The following ZNF711 variants were observed in gnomAD, a reference collection of about 807,000 sequenced individuals.
The protein encoded by ZNF711 is ZFX family zinc finger ZNF711.
ZNF711 carries 3 observed loss-of-function variants against 43.5 expected under a neutral mutation model. That is an observed-to-expected ratio of 0.07 (90% CI 0.03 to 0.18). ZNF711 has a LOEUF of 0.18. Ranked by LOEUF, ZNF711 falls within the 10% of genes least tolerant of loss-of-function variation. ZNF711 has a pLI of 1.00. For synonymous variants in ZNF711, 209 were observed against 207.7 expected (o/e 1.01, Z -0.06); for missense variants, 412 against 604.0 (o/e 0.68, Z 3.33).
At chrX:85,256,016 C>G (rs960761992) in intron 5 of ZNF711, among the ~76,000 whole-genome samples, 1 of 111,037 alleles carries the variant, frequency 9.0e-6, no homozygotes, top group African/African-American at 3.3e-5. Flanking sequence ...TAAAATAATG[C>G]AGTTTATTAG....
chrX:85,269,853 GAGAGAA>G (rs1931424960), intron 9 of ZNF711, 144 bp from the exon 10 acceptor site: 2 of 527,478 alleles, frequency 3.8e-6, no homozygotes, highest in African/African-American at 4.7e-5. Flanking sequence ...AAGAGTGAGA[GAGAGAA>G]AGAGAATCAT....
Position 85,272,560 on chromosome X carries a change from A to G in ZNF711, c.*732A>G, listed in dbSNP as rs922720612. 8.9e-6 allele frequency: 1 copy of G among 112,023 alleles called. No individual in the cohort carries two copies. Among genetic ancestry groups the G allele is most frequent in the African/African-American group, 3.2e-5 (1 of 30,827 alleles). 9.2% of individuals were successfully genotyped at this position (112,023 alleles called of 1,213,427 possible). On this transcript the variant is annotated 3_prime_UTR_variant, in exon 11 of 11. Coordinates refer to ENST00000674551, the MANE Select transcript of ZNF711 (RefSeq NM_001330574.2). ...ATATGACAAAAGTATATTTGAGTCA[A>G]ATGTGGCTTTCTAAAATGGATGCAA...
intron 9 of ZNF711, among the ~76,000 whole-genome samples, chrX:85,269,423 G>A (rs1457133422): frequency 1.1e-4 from 11 of 98,618 alleles, no homozygotes; most frequent in African/African-American, 4.3e-4. Flanking sequence ...CTCTGTTACC[G>A]AGACTGGTGT....
chrX:85,269,764 T>C (rs1603004017), intron 9 of ZNF711, among the ~76,000 whole-genome samples: 1 of 111,989 alleles, frequency 8.9e-6, no homozygotes, highest in Non-Finnish European at 1.9e-5. Flanking sequence ...CAAATTGAGA[T>C]ATTTTAAAGT....
At chrX:85,248,044 A>G (rs1278626128) in intron 4 of ZNF711, among the ~76,000 whole-genome samples, 3 of 110,872 alleles carry the variant, frequency 2.7e-5, no homozygotes, top group Non-Finnish European at 5.7e-5. Flanking sequence ...AGAAGTGCTT[A>G]CATCAACTAA....
At chrX:85,263,993 A>G (rs1008581356) in intron 5 of ZNF711, among the ~76,000 whole-genome samples, 1 of 110,362 alleles carries the variant, frequency 9.1e-6, no homozygotes, top group Admixed American at 9.7e-5. Context: ...TAGTGTACCT[A>G]TCACCTGAAT....
chrX:85,247,508 A>C, intron 3 of ZNF711, 39 bp from the exon 4 acceptor site: 1 of 982,780 alleles, frequency 1.0e-6, no homozygotes, highest in Non-Finnish European at 1.4e-6. Flanking sequence ...ACTTTGGACT[A>C]AATATATTAA....
chrX:85,271,431 G>A lies in ZNF711; in HGVS notation c.2027G>A (p.Arg676His), dbSNP rs201449359. 2 of 1,209,232 alleles carry A rather than the reference G, an allele frequency of 1.7e-6. No individual in the cohort carries two copies. The highest frequency in any genetic ancestry group is 3.0e-5 in the East Asian group (1 of 33,661). ...KCEVCDKGFH[R>H]PSELKKHSDI... Reference sequence around the variant, plus strand: ...GAGGTCTGTGATAAAGGTTTTCATCGTCCTTCTGAGCTCAAAAAGCATAGT... The same window carrying A: ...GAGGTCTGTGATAAAGGTTTTCATCATCCTTCTGAGCTCAAAAAGCATAGT... The change falls in exon 11 of 11, where the codon CGT becomes CAT. Residue 676 changes from arginine (R) to histidine (H), a missense_variant. By Grantham distance (29) the Arg-to-His change is conservative. Transcript: ENST00000674551.
chrX:85,271,570 G>A lies in ZNF711; in HGVS notation c.2166G>A (p.Leu722=). The change falls in exon 11 of 11, where the codon TTG becomes TTA. Residue 722 remains leucine, a synonymous_variant. Coordinates refer to ENST00000674551, the MANE Select transcript of ZNF711 (RefSeq NM_001330574.2). ...CAGTTCATACTAAAGATCAGCCATT[G>A]AAATGTAAAAGGTGCAAGAGAGGAT... The part of the protein sequence containing the change: ...ILSVHTKDQP[L]KCKRCKRGFR... The A allele has an allele frequency of 1.7e-6, 2 of 1,211,337 alleles. No individual in the cohort carries two copies. The highest frequency in any genetic ancestry group is 2.2e-6 in the Non-Finnish European group (2 of 895,246).
Position 85,267,312 on chromosome X carries a change from A to G in ZNF711, c.951A>G (p.Glu317=). ...CAEIADEVYM[E]VIVGEEEGTS... The stretch of plus-strand genomic sequence containing the variant: ...AAATAGCAGATGAAGTTTACATGGA[A>G]GTCATTGTAGGGGAAGAGGAAGGAA... The change falls in exon 8 of 11, where the codon GAA becomes GAG. Residue 317 remains glutamate, a synonymous_variant. Coordinates refer to ENST00000674551, the MANE Select transcript of ZNF711 (RefSeq NM_001330574.2). 8.8e-7 allele frequency: 1 copy of G among 1,141,299 alleles called. No individual in the cohort carries two copies. The highest frequency in any genetic ancestry group is 1.2e-6 in the Non-Finnish European group (1 of 865,635). The allele number at this position is 1,141,299 out of a possible 1,213,427, so 94.1% of individuals were successfully genotyped here.
intron 5 of ZNF711, 126 bp from the exon 6 acceptor site, chrX:85,264,149 G>T (rs1930898522): frequency 1.9e-6 from 1 of 524,602 alleles, no homozygotes; most frequent in African/African-American, 2.6e-5. Context: ...ACAGTGGGTA[G>T]GTGGTTAACA....
chrX:85,257,495 C>T (rs894093932), intron 5 of ZNF711, among the ~76,000 whole-genome samples: 3 of 111,981 alleles, frequency 2.7e-5, no homozygotes, highest in Admixed American at 9.5e-5. Flanking sequence ...CTACAAAGGA[C>T]GTGATTTCTT....
intron 5 of ZNF711, among the ~76,000 whole-genome samples, chrX:85,262,657 G>T (rs1369791406): frequency 9.2e-6 from 1 of 108,898 alleles, no homozygotes; most frequent in African/African-American, 3.3e-5. Flanking sequence ...ATATAATTAG[G>T]AGCTCTGATG....
At chrX:85,247,708 A>C in intron 4 of ZNF711, 57 bp downstream of exon 4, 1 of 968,779 alleles carries the variant, frequency 1.0e-6, no homozygotes, top group Non-Finnish European at 1.5e-6. Context: ...GGATAATAAA[A>C]ATCAAAAATA....
intron 4 of ZNF711, 101 bp from the exon 5 acceptor site, chrX:85,255,154 ATTAC>A: frequency 1.3e-6 from 1 of 784,296 alleles, no homozygotes; most frequent in East Asian, 3.5e-5. Context: ...TTTGGCCAAG[ATTAC>A]TTAATATTTA....
chrX:85,269,661 A>C (rs1931403309), intron 9 of ZNF711, among the ~76,000 whole-genome samples: 1 of 111,669 alleles, frequency 9.0e-6, no homozygotes, highest in African/African-American at 3.3e-5. Context: ...GGTGTGGGCC[A>C]TCATGCCCAC....
chrX:85,267,265 T>G lies in ZNF711; in HGVS notation c.917-13T>G. ...TTTGGGGTTATAAACAAGCAATTAT[T>G]TCTAAAATTTAGGTTGCGCTGAAAT... On this transcript the variant is annotated splice_polypyrimidine_tract_variant and intron_variant, in intron 7 of 10. Coordinates refer to ENST00000674551, the MANE Select transcript of ZNF711 (RefSeq NM_001330574.2). 1 of 1,104,129 alleles carries G rather than the reference T, an allele frequency of 9.1e-7. No homozygotes were observed. The highest frequency in any genetic ancestry group is 1.2e-6 in the Non-Finnish European group (1 of 846,922). The allele number at this position is 1,104,129 out of a possible 1,213,427, so 91.0% of individuals were successfully genotyped here.
At chrX:85,245,306 G>C (rs191368197) in intron 1 of ZNF711, among the ~76,000 whole-genome samples, 86 of 112,216 alleles carry the variant, frequency 7.7e-4, no homozygotes, top group Non-Finnish European at 1.5e-3. Context: ...GTTTACTTGA[G>C]ACGTACTTGG....
chrX:85,269,958 G>A (rs1170409292), intron 9 of ZNF711, 45 bp from the exon 10 acceptor site: 4 of 1,194,233 alleles, frequency 3.3e-6, no homozygotes, highest in Admixed American at 4.4e-5. Context: ...AACCAAAAAA[G>A]TATAAATGTA....
Sources: gnomAD v4.1 joint callset for allele counts (sites outside exome capture counted in the v4.1 genomes callset) on GRCh38, gnomAD v4.1.1 for gene constraint, MANE v1.5 for transcripts, NCBI Gene and HGNC (gene_info 2026-07-23, HGNC 2026-07-21) for gene names.